PLCB4: variants seen among roughly 807,000 people sequenced by gnomAD.
The protein encoded by PLCB4 is 1-phosphatidylinositol 4,5-bisphosphate phosphodiesterase beta-4.
Under a neutral mutation model 178.8 loss-of-function variants are expected in PLCB4, and 77 were observed. The observed-to-expected ratio is 0.43, with a 90% CI of 0.36 to 0.52. PLCB4 has a LOEUF of 0.52. Among genes scored for constraint, PLCB4 ranks in the 20% least tolerant of loss-of-function variants. The pLI is 0.00. For synonymous variants in PLCB4, 496 were observed against 490.8 expected (o/e 1.01, Z -0.14); for missense variants, 1,024 against 1,453.4 (o/e 0.70, Z 4.80).
intron 2 of PLCB4, among the ~76,000 whole-genome samples, chr20:9,131,321 C>G (rs1240163707): frequency 6.6e-6 from 1 of 151,942 alleles, no homozygotes; most frequent in Admixed American, 6.6e-5. Context: ...CTTTTCCTCC[C>G]TCCTTCTGAA....
At chr20:9,096,391 A>G (rs908119826) in intron 2 of PLCB4, 49 bp downstream of exon 2, 3 of 152,332 alleles carry the variant, frequency 2.0e-5, no homozygotes, top group South Asian at 2.1e-4. Flanking sequence ...TTTATCTTGA[A>G]TAAATTACAA....
intron 2 of PLCB4, among the ~76,000 whole-genome samples, chr20:9,123,477 A>G (rs2092026133): frequency 1.3e-5 from 2 of 151,470 alleles, no homozygotes; most frequent in South Asian, 4.2e-4. Context: ...CTTAAAGTCA[A>G]TATTTTGTAT....
At chr20:9,467,811 G>A (rs376895101) in intron 35 of PLCB4, among the ~76,000 whole-genome samples, 1 of 152,166 alleles carries the variant, frequency 6.6e-6, no homozygotes, top group South Asian at 2.1e-4. Context: ...CTGACTGCTT[G>A]TATGCTGGTT....
chr20:9,372,988 T>C, intron 11 of PLCB4, 59 bp from the exon 12 acceptor site: 1 of 738,348 alleles, frequency 1.4e-6, no homozygotes, highest in Middle Eastern at 2.5e-4. Context: ...AACATGTAAA[T>C]CGTACATACT....
chr20:9,307,904 G>T lies in PLCB4; in HGVS notation c.84+6G>T, dbSNP rs771835045. ...TTTTTGACAGATACGAGGAGGTAAA[G>T]AAGTGTTATTAATCTTTTCTCTCAA... On this transcript the variant is annotated splice_donor_region_variant and intron_variant, in intron 4 of 39. Transcript: ENST00000378473. 4 of 1,222,502 alleles carry T rather than the reference G, an allele frequency of 3.3e-6. No individual in the cohort carries two copies. Among genetic ancestry groups the T allele is most frequent in the Non-Finnish European group, 4.8e-6 (4 of 834,006 alleles). 75.7% of individuals were successfully genotyped at this position (1,222,502 alleles called of 1,614,324 possible). A position where few individuals can be genotyped will look rare whatever the true frequency, so the allele number is the denominator to read the frequency against.
chr20:9,353,629 C>T (rs2034536189), intron 7 of PLCB4, among the ~76,000 whole-genome samples: 1 of 152,202 alleles, frequency 6.6e-6, no homozygotes, highest in Non-Finnish European at 1.5e-5. Context: ...CCTGCCTGTA[C>T]CATCAGCTTC....
intron 2 of PLCB4, among the ~76,000 whole-genome samples, chr20:9,180,651 A>G (rs975973673): frequency 6.6e-6 from 1 of 152,150 alleles, no homozygotes; most frequent in African/African-American, 2.4e-5. Flanking sequence ...AGTGCAGTCA[A>G]CCTTGCCACA....
chr20:9,446,108 C>T (rs933053247), intron 32 of PLCB4, among the ~76,000 whole-genome samples: 10 of 152,140 alleles, frequency 6.6e-5, no homozygotes, highest in Non-Finnish European at 1.2e-4. Flanking sequence ...GTGCTCAGCA[C>T]CTTATATGCA....
intron 1 of PLCB4, among the ~76,000 whole-genome samples, chr20:9,084,949 AGGC>A (rs1286101552): frequency 6.6e-6 from 1 of 151,090 alleles, no homozygotes; most frequent in African/African-American, 2.4e-5. Context: ...GCTGCTGGGG[AGGC>A]TGAGACAGGA....
At chr20:9,305,454 C>T (rs764308723) in intron 3 of PLCB4, among the ~76,000 whole-genome samples, 12 of 152,044 alleles carry the variant, frequency 7.9e-5, no homozygotes, top group Non-Finnish European at 1.3e-4. Context: ...TACTTTGTTC[C>T]TCCAACCACT....
chr20:9,145,403 T>A (rs1270416443), intron 2 of PLCB4, among the ~76,000 whole-genome samples: 3 of 152,140 alleles, frequency 2.0e-5, no homozygotes. Flanking sequence ...TTATTCTGGG[T>A]GTGTTTTATA....
intron 22 of PLCB4, 93 bp from the exon 23 acceptor site, chr20:9,408,540 T>C (rs1602457028): frequency 1.6e-6 from 1 of 644,808 alleles, no homozygotes; most frequent in Non-Finnish European, 2.9e-6. Flanking sequence ...CAAGGCCTCA[T>C]GATTCAGGGT....
chr20:9,469,942 C>T (rs563890885), intron 36 of PLCB4, among the ~76,000 whole-genome samples: 13 of 152,312 alleles, frequency 8.5e-5, no homozygotes, highest in East Asian at 1.9e-4. Flanking sequence ...GCCTGGATTA[C>T]GCCACCAGCA....
At chr20:9,199,517 G>A (rs1196123176) in intron 2 of PLCB4, among the ~76,000 whole-genome samples, 1 of 152,170 alleles carries the variant, frequency 6.6e-6, no homozygotes, top group Non-Finnish European at 1.5e-5. Context: ...AGCACTGACT[G>A]TTTCTTTCAC....
chr20:9,245,927 C>T (rs150688372), intron 3 of PLCB4, among the ~76,000 whole-genome samples: 40 of 152,130 alleles, frequency 2.6e-4, no homozygotes, highest in Middle Eastern at 3.4e-3. Flanking sequence ...CCACAGCACA[C>T]GGCCAATATC....
At chr20:9,273,179 T>G (rs2094420977) in intron 3 of PLCB4, among the ~76,000 whole-genome samples, 1 of 152,086 alleles carries the variant, frequency 6.6e-6, no homozygotes, top group Admixed American at 6.6e-5. Flanking sequence ...CAATCAAGGG[T>G]AAAAGACTTA....
intron 3 of PLCB4, among the ~76,000 whole-genome samples, chr20:9,255,886 C>T (rs1303523817): frequency 6.6e-6 from 1 of 151,832 alleles, no homozygotes; most frequent in Non-Finnish European, 1.5e-5. Context: ...TGTCAACTGC[C>T]TAGACTAAAA....
intron 3 of PLCB4, among the ~76,000 whole-genome samples, chr20:9,238,852 A>G (rs2094023639): frequency 6.6e-6 from 1 of 152,218 alleles, no homozygotes; most frequent in Admixed American, 6.5e-5. Flanking sequence ...TTTTAATAAG[A>G]GTAATGTATG....
intron 4 of PLCB4, among the ~76,000 whole-genome samples, chr20:9,313,010 T>C (rs1344978591): frequency 1.3e-5 from 2 of 152,244 alleles, no homozygotes. Context: ...TACATTTTTC[T>C]ATAGAAGTAA....
Sources: gnomAD v4.1 joint callset for allele counts (sites outside exome capture counted in the v4.1 genomes callset) on GRCh38, gnomAD v4.1.1 for gene constraint, MANE v1.5 for transcripts, NCBI Gene and HGNC (gene_info 2026-07-23, HGNC 2026-07-21) for gene names.